The following HACD3 variants were observed in gnomAD, a reference collection of about 807,000 sequenced individuals.
The protein encoded by HACD3 is 3-hydroxyacyl-CoA dehydratase 3.
In HACD3, 30 loss-of-function variants were observed where a neutral mutation model predicts 55.2. The observed-to-expected ratio is 0.54, with a 90% CI of 0.41 to 0.74. The LOEUF is 0.74. Among genes scored for constraint, HACD3 ranks in the 30% least tolerant of loss-of-function variants. The pLI, the probability that HACD3 is intolerant of heterozygous loss-of-function variation, is 0.00. For synonymous variants in HACD3, 141 were observed against 151.7 expected (o/e 0.93, Z 0.52); for missense variants, 363 against 440.1 (o/e 0.82, Z 1.57).
At chr15:65,535,940 T>C (rs1322462423) in intron 1 of HACD3, 1 of 434,386 alleles carries the variant, frequency 2.3e-6, no homozygotes, top group Non-Finnish European at 4.1e-6. Flanking sequence ...TCCTCTTGCC[T>C]TGGCCTCCCA....
chr15:65,533,810 G>GCCT (rs2071927180), intron 1 of HACD3, among the ~76,000 whole-genome samples: 1 of 151,566 alleles, frequency 6.6e-6, no homozygotes, highest in Non-Finnish European at 1.5e-5. Context: ...CCAGCACTAT[G>GCCT]GGAGGCCGAG....
intron 2 of HACD3, among the ~76,000 whole-genome samples, chr15:65,552,595 C>T (rs564149186): frequency 5.3e-4 from 80 of 151,978 alleles, no homozygotes; most frequent in African/African-American, 1.9e-3. Flanking sequence ...CTCGGCCTCT[C>T]GAAGTGCTGG....
intron 1 of HACD3, among the ~76,000 whole-genome samples, chr15:65,536,357 C>A (rs1386846444): frequency 1.3e-5 from 2 of 152,120 alleles, no homozygotes; most frequent in East Asian, 3.8e-4. Context: ...TGAACTTAAT[C>A]GATAAATGTA....
Position 65,551,691 on chromosome 15 carries a change from A to G in HACD3, c.103A>G (p.Ile35Val), listed in dbSNP as rs755831959. ...LSDVQNPAIS[I>V]TENVLHFKAQ... ...CTTTTCACAGAACCCTGCCATCAGCATCACTGAAAACGTGCTGCATTTCAA... is the reference window on the plus strand; with the variant it reads ...CTTTTCACAGAACCCTGCCATCAGCGTCACTGAAAACGTGCTGCATTTCAA... Residue 35 changes from isoleucine to valine, a missense_variant, in exon 2 of 11, where the codon ATC becomes GTC. Coordinates refer to ENST00000261875, the MANE Select transcript of HACD3 (RefSeq NM_016395.4). The G allele has an allele frequency of 5.6e-6, 9 of 1,614,008 alleles. No individual in the cohort carries two copies. Among genetic ancestry groups the G allele is most frequent in the Non-Finnish European group, 6.8e-6 (8 of 1,179,884 alleles).
chr15:65,571,420 C>A, intron 8 of HACD3, 128 bp from the exon 9 acceptor site: 1 of 649,530 alleles, frequency 1.5e-6, no homozygotes, highest in South Asian at 2.0e-5. Flanking sequence ...TGATAGCCAG[C>A]GTTATAATTC....
At chr15:65,564,454 G>A in intron 7 of HACD3, 112 bp downstream of exon 7, 1 of 1,340,804 alleles carries the variant, frequency 7.5e-7, no homozygotes, top group Non-Finnish European at 1.0e-6. Context: ...CTGAGACTGG[G>A]CAGTTTACAA....
Position 65,550,640 on chromosome 15 carries a change from T to G in HACD3, c.88-1036T>G, listed in dbSNP as rs115894964. Among the ~76,000 whole-genome samples, 542 of 152,336 alleles carry G rather than the reference T, an allele frequency of 3.6e-3. 5 individuals carry two copies. Among genetic ancestry groups the G allele is most frequent in the African/African-American group, 0.012 (512 of 41,582 alleles). ...TTGCTACATAACAAATCACCCAATA[T>G]GTAGTGGCTTAAAGCAACAATAGTC... On this transcript the variant is annotated intron_variant, in intron 1 of 10. Transcript: ENST00000261875.
rs1042726881 is a variant in HACD3 at position 65,577,084 on chromosome 15, C to T, written c.*705C>T. 1.3e-5 allele frequency: 2 copies of T among 152,088 alleles called. No individual in the cohort carries two copies. Among genetic ancestry groups the T allele is most frequent in the African/African-American group, 2.4e-5 (1 of 41,398 alleles). The allele number at this position is 152,088 out of a possible 1,614,324, so 9.4% of individuals were successfully genotyped here. A position where few individuals can be genotyped will look rare whatever the true frequency, so the allele number is the denominator to read the frequency against. Reference sequence around the variant, plus strand: ...CATTCTTAAGTAAATCAACTATTTTCAACACTGAAGAAAAATGAAACATTA... The same window carrying T: ...CATTCTTAAGTAAATCAACTATTTTTAACACTGAAGAAAAATGAAACATTA... On this transcript the variant is annotated 3_prime_UTR_variant, in exon 11 of 11. Coordinates refer to ENST00000261875, the MANE Select transcript of HACD3 (RefSeq NM_016395.4).
chr15:65,536,908 G>C (rs1265382127), intron 1 of HACD3, among the ~76,000 whole-genome samples: 1 of 152,186 alleles, frequency 6.6e-6, no homozygotes, highest in South Asian at 2.1e-4. Flanking sequence ...CTTGCACCAA[G>C]CAGCCAAGTT....
chr15:65,545,238 G>T (rs1436151922), intron 1 of HACD3, among the ~76,000 whole-genome samples: 1 of 152,050 alleles, frequency 6.6e-6, no homozygotes, highest in Non-Finnish European at 1.5e-5. Context: ...CAAATTTATT[G>T]TCACCCTCTT....
chr15:65,569,045 A>C (rs910884125), intron 7 of HACD3, among the ~76,000 whole-genome samples: 1 of 151,204 alleles, frequency 6.6e-6, no homozygotes, highest in Non-Finnish European at 1.5e-5. Flanking sequence ...CAGGAGATCG[A>C]GACCATCCTG....
In HACD3 at chr15:65,570,131, C is replaced by A. The variant is rs1322554485; in HGVS notation, c.701C>A (p.Thr234Asn). Residue 234 changes from threonine to asparagine, a missense_variant, in exon 8 of 11, where the codon ACC becomes AAC. Transcript: ENST00000261875. ...RNFILFIIFG[T>N]MEEMQNKAVV... ...TTTATTTTGTTTATCATCTTTGGCACCATGGAAGAAATGCAGAACAAAGCT... is the reference window on the plus strand; with the variant it reads ...TTTATTTTGTTTATCATCTTTGGCAACATGGAAGAAATGCAGAACAAAGCT... 4 of 1,612,632 alleles carry A rather than the reference C, an allele frequency of 2.5e-6. No homozygotes were observed. In the East Asian group the frequency reaches 8.9e-5, roughly 36 times the overall value.
Position 65,530,718 on chromosome 15 carries a change from G to A in HACD3, c.87G>A (p.Gln29=). Reference sequence around the variant, plus strand: ...TGCGCGTGGAGCTGAGTGACGTACAGGTAAAGGCCGGGTCGGGCGGCGGGA... The same window carrying A: ...TGCGCGTGGAGCTGAGTGACGTACAAGTAAAGGCCGGGTCGGGCGGCGGGA... ...LYLRVELSDV[Q]NPAISITENV... Residue 29 remains glutamine (Q), a splice_region_variant and synonymous_variant, in exon 1 of 11, where the codon CAG becomes CAA. Transcript: ENST00000261875. 5 of 1,553,538 alleles carry A rather than the reference G, an allele frequency of 3.2e-6. No individual in the cohort carries two copies. Among genetic ancestry groups the A allele is most frequent in the Non-Finnish European group, 4.3e-6 (5 of 1,150,050 alleles).
chr15:65,550,405 C>A (rs1297730760), intron 1 of HACD3, among the ~76,000 whole-genome samples: 2 of 151,964 alleles, frequency 1.3e-5, no homozygotes, highest in Admixed American at 6.6e-5. Flanking sequence ...TAAACAAGTT[C>A]ATATCAGATA....
chr15:65,562,802 G>A lies in HACD3; in HGVS notation c.450G>A (p.Leu150=), dbSNP rs928173797. The change falls in exon 6 of 11, where the codon CTG becomes CTA. Residue 150 remains leucine, a synonymous_variant. Coordinates refer to ENST00000261875, the MANE Select transcript of HACD3 (RefSeq NM_016395.4). ...TTACAAACTTAAGGAAAGGATACCT[G>A]TTTATGTATAATCTTGTGCAATTCT... ...ETLTNLRKGY[L]FMYNLVQFLG... The A allele has an allele frequency of 1.9e-6, 3 of 1,613,862 alleles. No homozygotes were observed. Among genetic ancestry groups the A allele is most frequent in the African/African-American group, 1.3e-5 (1 of 75,026 alleles).
intron 1 of HACD3, 140 bp downstream of exon 1, chr15:65,530,858 C>T (rs2071890214): frequency 2.5e-6 from 2 of 802,100 alleles, no homozygotes; most frequent in Admixed American, 3.3e-5. Context: ...GCGCTTACGG[C>T]GTGCTGGCGC....
At chr15:65,540,297 A>G (rs761443636) in intron 1 of HACD3, among the ~76,000 whole-genome samples, 7 of 152,246 alleles carry the variant, frequency 4.6e-5, no homozygotes, top group Non-Finnish European at 1.0e-4. Context: ...ATATTCAGTA[A>G]TGAGCAACAC....
chr15:65,558,590 G>C, intron 4 of HACD3, 90 bp from the exon 5 acceptor site: 1 of 1,267,960 alleles, frequency 7.9e-7, no homozygotes. Flanking sequence ...TGGCTTTGAG[G>C]GAGTCAGATT....
intron 10 of HACD3, 137 bp downstream of exon 10, chr15:65,572,503 C>T: frequency 9.8e-7 from 1 of 1,025,170 alleles, no homozygotes; most frequent in Non-Finnish European, 1.4e-6. Context: ...CAAAAACAGA[C>T]CCACTAGGGG....
Sources: gnomAD v4.1 joint callset for allele counts (sites outside exome capture counted in the v4.1 genomes callset) on GRCh38, gnomAD v4.1.1 for gene constraint, MANE v1.5 for transcripts, NCBI Gene and HGNC (gene_info 2026-07-23, HGNC 2026-07-21) for gene names.